The following OPCML variants were observed in gnomAD, a reference collection of about 807,000 sequenced individuals.
OPCML encodes opioid binding protein/cell adhesion molecule like.
In OPCML, 13 loss-of-function variants were observed where a neutral mutation model predicts 37.8. The ratio of observed to expected loss-of-function variants is 0.34; its 90% CI spans 0.22 to 0.55. The LOEUF (loss-of-function observed/expected upper bound fraction) is 0.55, where lower values mean the gene tolerates loss of function less well. Ranked by LOEUF, OPCML falls within the 20% of genes least tolerant of loss-of-function variation. The pLI, the probability that OPCML is intolerant of heterozygous loss-of-function variation, is 0.91. For synonymous variants in OPCML, 176 were observed against 168.8 expected (o/e 1.04, Z -0.33); for missense variants, 341 against 435.6 (o/e 0.78, Z 1.93).
intron 4 of OPCML, among the ~76,000 whole-genome samples, chr11:132,455,666 A>C (rs1032403531): frequency 2.0e-5 from 3 of 152,222 alleles, no homozygotes; most frequent in Non-Finnish European, 2.9e-5. Flanking sequence ...CATTTAAATC[A>C]TTCCAGACTC....
intron 3 of OPCML, among the ~76,000 whole-genome samples, chr11:132,547,689 G>T (rs1385343552): frequency 6.6e-6 from 1 of 152,062 alleles, no homozygotes; most frequent in Non-Finnish European, 1.5e-5. Context: ...CTTAAATTAG[G>T]TATCTCCTAA....
chr11:132,983,027 C>A (rs903063265), intron 1 of OPCML, among the ~76,000 whole-genome samples: 2 of 152,202 alleles, frequency 1.3e-5, no homozygotes, highest in Non-Finnish European at 2.9e-5. Flanking sequence ...CACTCCTTGC[C>A]AAATTATGAT....
chr11:133,137,782 A>G (rs973270868), intron 1 of OPCML, among the ~76,000 whole-genome samples: 7 of 152,216 alleles, frequency 4.6e-5, no homozygotes, highest in African/African-American at 1.7e-4. Context: ...TTTAGGGAGA[A>G]GTTTCACACT....
intron 1 of OPCML, among the ~76,000 whole-genome samples, chr11:133,085,961 C>T (rs1315067765): frequency 6.6e-6 from 1 of 152,052 alleles, no homozygotes; most frequent in East Asian, 1.9e-4. Flanking sequence ...TAACTCGGCT[C>T]CTTCCTGCTG....
intron 3 of OPCML, among the ~76,000 whole-genome samples, chr11:132,623,175 T>G (rs1373748046): frequency 2.6e-5 from 4 of 152,174 alleles, no homozygotes; most frequent in African/African-American, 7.2e-5. Flanking sequence ...ACGAAAATGC[T>G]GGCATCTGTT....
At chr11:132,568,908 A>G (rs1327985244) in intron 3 of OPCML, among the ~76,000 whole-genome samples, 1 of 152,276 alleles carries the variant, frequency 6.6e-6, no homozygotes, top group African/African-American at 2.4e-5. Context: ...CAGAGTGAAT[A>G]AAGAAATATG....
At chr11:133,119,920 C>A (rs1949395439) in intron 1 of OPCML, among the ~76,000 whole-genome samples, 1 of 152,128 alleles carries the variant, frequency 6.6e-6, no homozygotes, top group South Asian at 2.1e-4. Flanking sequence ...AGGGGTGATG[C>A]TGTGGGGCAG....
chr11:132,709,433 A>G (rs951165149), intron 2 of OPCML, among the ~76,000 whole-genome samples: 5 of 152,186 alleles, frequency 3.3e-5, no homozygotes, highest in Non-Finnish European at 5.9e-5. Context: ...TGCAAACTTC[A>G]TTATTTAGAT....
At chr11:133,394,056 A>G in intron 1 of OPCML, among the ~76,000 whole-genome samples, 1 of 152,060 alleles carries the variant, frequency 6.6e-6, no homozygotes, top group East Asian at 1.9e-4. Flanking sequence ...CCAGCCCCTC[A>G]TATGCAACAT....
intron 1 of OPCML, among the ~76,000 whole-genome samples, chr11:133,012,176 G>A (rs1446276104): frequency 2.6e-5 from 4 of 152,160 alleles, no homozygotes; most frequent in Non-Finnish European, 5.9e-5. Context: ...TTAGGGGTTT[G>A]AGGTTAGGGA....
At chr11:133,503,287 C>T (rs1167593725) in intron 1 of OPCML, among the ~76,000 whole-genome samples, 1 of 152,140 alleles carries the variant, frequency 6.6e-6, no homozygotes, top group African/African-American at 2.4e-5. Flanking sequence ...TACCTTACAG[C>T]CCCCAAACCC....
intron 2 of OPCML, among the ~76,000 whole-genome samples, chr11:132,668,337 G>T (rs1030235749): frequency 1.3e-5 from 2 of 152,160 alleles, no homozygotes; most frequent in South Asian, 2.1e-4. Context: ...TTAATATATT[G>T]TGGTGTTCAG....
chr11:133,050,719 CCTT>C (rs1948113863), intron 1 of OPCML, among the ~76,000 whole-genome samples: 2 of 52,556 alleles, frequency 3.8e-5, no homozygotes, highest in South Asian at 1.1e-3. Context: ...TCTTCTTCTT[CCTT>C]TTTTTTTTTT....
chr11:132,948,560 C>A (rs1945795040), intron 1 of OPCML, among the ~76,000 whole-genome samples: 1 of 152,062 alleles, frequency 6.6e-6, no homozygotes, highest in Admixed American at 6.5e-5. Context: ...TCATAAAGGG[C>A]AGGCTCACAG....
At chr11:133,226,769 G>A (rs781112983) in intron 1 of OPCML, among the ~76,000 whole-genome samples, 1 of 152,134 alleles carries the variant, frequency 6.6e-6, no homozygotes, top group Non-Finnish European at 1.5e-5. Flanking sequence ...CAGTAACTCT[G>A]TCCTAGGGGA....
rs79802711 is a variant in OPCML at position 133,173,946 on chromosome 11, T to C, written c.62-230936A>G. Among the ~76,000 whole-genome samples, 4,021 of 152,142 alleles carry C rather than the reference T, an allele frequency of 0.026. 859 individuals are homozygous for C. In the East Asian group the frequency reaches 0.57, roughly 22 times the overall value. On this transcript the variant is annotated intron_variant, in intron 1 of 7. Coordinates refer to ENST00000524381, the MANE Select transcript of OPCML (RefSeq NM_001012393.5). The surrounding 1 kb of genome is among the most constrained non-coding windows in gnomAD (Gnocchi z 7.8). ...TGGAGCAGCCCTCTCCCTCCATCCA[T>C]TCTACAAGGATCCCCAGTCAGCCAA...
intron 2 of OPCML, among the ~76,000 whole-genome samples, chr11:132,859,785 CA>C (rs1309962840): frequency 1.3e-5 from 2 of 152,148 alleles, no homozygotes; most frequent in African/African-American, 4.8e-5. Context: ...GGACAGTTTT[CA>C]ACAAAATACT....
At chr11:133,165,280 T>A (rs1024534425) in intron 1 of OPCML, among the ~76,000 whole-genome samples, 1 of 152,132 alleles carries the variant, frequency 6.6e-6, no homozygotes, top group Non-Finnish European at 1.5e-5. Context: ...GTGCTGAGGC[T>A]GTGCAGAAAG....
intron 1 of OPCML, among the ~76,000 whole-genome samples, chr11:132,970,586 C>T (rs565736601): frequency 1.4e-4 from 22 of 152,112 alleles, no homozygotes; most frequent in African/African-American, 5.3e-4. Flanking sequence ...TATAATAAAA[C>T]TTTACTTTTT....
Sources: allele counts gnomAD v4.1 joint callset (sites outside exome capture counted in the v4.1 genomes callset), GRCh38; gene constraint gnomAD v4.1.1; non-coding constraint Gnocchi (gnomAD v3.1); transcripts MANE v1.5; gene names NCBI Gene and HGNC (gene_info 2026-07-23, HGNC 2026-07-21).